Variants in DAAM1 observed in about 807,000 individuals in gnomAD.
The protein encoded by DAAM1 is dishevelled associated activator of morphogenesis 1.
A neutral mutation model predicts 130.0 loss-of-function variants in DAAM1; 52 were observed. The ratio of observed to expected loss-of-function variants is 0.40; its 90% CI spans 0.32 to 0.50. The LOEUF (loss-of-function observed/expected upper bound fraction) is 0.50. Ranked by LOEUF, DAAM1 falls within the 20% of genes least tolerant of loss-of-function variation. DAAM1 has a pLI of 0.61. For synonymous variants in DAAM1, 452 were observed against 444.5 expected (o/e 1.02, Z -0.21); for missense variants, 1,134 against 1,303.8 (o/e 0.87, Z 2.01).
chr14:59,266,321 A>C (rs983927754), intron 2 of DAAM1, among the ~76,000 whole-genome samples: 1 of 151,996 alleles, frequency 6.6e-6, no homozygotes, highest in African/African-American at 2.4e-5. Flanking sequence ...GTGGTAGTAG[A>C]GCTGGTAGGC....
Position 59,326,523 on chromosome 14 carries a change from C to T in DAAM1, c.1188C>T (p.Gly396=), listed in dbSNP as rs772529022. The part of the protein sequence containing the change: ...HCLQMPYKRS[G]NTVQYWLLLD... The stretch of plus-strand genomic sequence containing the variant: ...TTTCTTTTTTAGACAAGAGGAGTGG[C>T]AACACTGTTCAGTACTGGCTACTAC... Residue 396 remains glycine, a synonymous_variant, in exon 11 of 25, where the codon GGC becomes GGT. Transcript: ENST00000360909. 1.3e-6 allele frequency: 2 copies of T among 1,594,564 alleles called. No individual in the cohort carries two copies. The highest frequency in any genetic ancestry group is 3.5e-5 in the Admixed American group (2 of 56,924).
chr14:59,223,703 T>A (rs1888849491), intron 1 of DAAM1, among the ~76,000 whole-genome samples: 1 of 152,200 alleles, frequency 6.6e-6, no homozygotes. Context: ...CAGAATATGT[T>A]GCCTCCAAAA....
At chr14:59,306,946 C>G (rs562342745) in intron 3 of DAAM1, among the ~76,000 whole-genome samples, 1 of 152,268 alleles carries the variant, frequency 6.6e-6, no homozygotes, top group Admixed American at 6.5e-5. Flanking sequence ...TGAGCAAGAG[C>G]TTTGGGCCAG....
intron 3 of DAAM1, among the ~76,000 whole-genome samples, chr14:59,301,987 T>G (rs528873647): frequency 2.0e-5 from 3 of 152,248 alleles, no homozygotes; most frequent in Non-Finnish European, 4.4e-5. Context: ...TCTGAAACTT[T>G]AAAATCTAAA....
At chr14:59,196,542 G>T (rs1887897981) in intron 1 of DAAM1, among the ~76,000 whole-genome samples, 1 of 152,174 alleles carries the variant, frequency 6.6e-6, no homozygotes. Context: ...AGGAAGTCGA[G>T]ACCATTCTGG....
chr14:59,300,697 A>G (rs1241465716), intron 3 of DAAM1, among the ~76,000 whole-genome samples: 5 of 152,216 alleles, frequency 3.3e-5, no homozygotes, highest in African/African-American at 9.6e-5. Flanking sequence ...TTGAAGCCCA[A>G]AGGTGACTGC....
chr14:59,279,936 C>A (rs1029333064), intron 2 of DAAM1, among the ~76,000 whole-genome samples: 3 of 152,014 alleles, frequency 2.0e-5, no homozygotes, highest in Non-Finnish European at 2.9e-5. Flanking sequence ...TTTGAACAAA[C>A]ATTTCACAAA....
At position 59,263,546 on chromosome 14, in the gene DAAM1, C is replaced by A. The variant is rs769974748; in HGVS notation, c.69C>A (p.His23Gln). 1 of 1,614,084 alleles carries A rather than the reference C, an allele frequency of 6.2e-7. No homozygotes were observed. Among genetic ancestry groups the A allele is most frequent in the African/African-American group, 1.3e-5 (1 of 74,930 alleles). ...TTTGCTGTTTCCGAAATAATGATCA[C>A]CCAGAAATCACGTATCGGCTGCGAA... The part of the protein sequence containing the change: ...FIFCCFRNND[H>Q]PEITYRLRND... Residue 23 changes from histidine to glutamine, a missense_variant, in exon 2 of 25, where the codon CAC becomes CAA. Around this residue, in one of 3 missense-constraint regions of DAAM1, gnomAD observed 99 missense variants for 86.4 expected, o/e 1.15. Transcript: ENST00000360909.
intron 4 of DAAM1, among the ~76,000 whole-genome samples, chr14:59,317,378 T>G (rs1220427031): frequency 6.6e-6 from 1 of 152,196 alleles, no homozygotes; most frequent in Non-Finnish European, 1.5e-5. Flanking sequence ...TTCTCAACAT[T>G]CTGATTGCCA....
rs568439864 is a variant in DAAM1 at position 59,354,190 on chromosome 14, A to T, written c.2356+226A>T. Among the ~76,000 whole-genome samples, 15 of 151,850 alleles carry T rather than the reference A, an allele frequency of 9.9e-5. No individual in the cohort carries two copies. The South Asian group carries it at 3.1e-3, about 32-fold the overall frequency. On this transcript the variant is annotated intron_variant, in intron 19 of 24. Transcript: ENST00000360909. Reference sequence around the variant, plus strand: ...ATTCTCCTGCCTCAGCTTCCTGAGTAGCTGGGACTACAGGTGCCTGCCACC... The same window carrying T: ...ATTCTCCTGCCTCAGCTTCCTGAGTTGCTGGGACTACAGGTGCCTGCCACC...
At chr14:59,366,003 A>G (rs1032201126) in intron 23 of DAAM1, among the ~76,000 whole-genome samples, 1 of 152,204 alleles carries the variant, frequency 6.6e-6, no homozygotes, top group African/African-American at 2.4e-5. Context: ...TGGAAGAACT[A>G]AAAAGAGACT....
chr14:59,222,468 G>GCC (rs1237959636), intron 1 of DAAM1, among the ~76,000 whole-genome samples: 2 of 152,188 alleles, frequency 1.3e-5, no homozygotes, highest in African/African-American at 4.8e-5. Flanking sequence ...CATAAAGGGG[G>GCC]CTCAGTGTTG....
chr14:59,343,237 T>C (rs1885922438), intron 16 of DAAM1, among the ~76,000 whole-genome samples: 1 of 152,066 alleles, frequency 6.6e-6, no homozygotes, highest in African/African-American at 2.4e-5. Context: ...TTAATAAGGT[T>C]TTTTAGTTTG....
At chr14:59,339,466 A>G (rs1173797710) in intron 15 of DAAM1, among the ~76,000 whole-genome samples, 5 of 152,212 alleles carry the variant, frequency 3.3e-5, no homozygotes, top group African/African-American at 1.2e-4. Context: ...ATACAGCAAC[A>G]GAATATGCAA....
intron 4 of DAAM1, among the ~76,000 whole-genome samples, chr14:59,319,641 T>G (rs1299389482): frequency 6.6e-6 from 1 of 152,156 alleles, no homozygotes; most frequent in Non-Finnish European, 1.5e-5. Flanking sequence ...GTCATAAGAC[T>G]TGGGGTACTT....
At chr14:59,264,144 A>G in intron 2 of DAAM1, 1 of 186,466 alleles carries the variant, frequency 5.4e-6, no homozygotes, top group East Asian at 1.3e-4. Flanking sequence ...TTATTACTTC[A>G]GTACAGCATC....
chr14:59,305,577 A>G lies in DAAM1; in HGVS notation c.274-9703A>G, dbSNP rs535153628. ...CTAAGTGTTGTGGCTGCTTTCTCAGATATACCAGGTGCACATAAAATGTAT... is the reference window on the plus strand; with the variant it reads ...CTAAGTGTTGTGGCTGCTTTCTCAGGTATACCAGGTGCACATAAAATGTAT... On this transcript the variant is annotated intron_variant, in intron 3 of 24. Transcript: ENST00000360909. Among the ~76,000 whole-genome samples, 3 of 152,282 alleles carry G rather than the reference A, an allele frequency of 2.0e-5. No homozygotes were observed. The East Asian group carries it at 5.8e-4, about 29-fold the overall frequency.
At position 59,359,084 on chromosome 14, in the gene DAAM1, C is replaced by G. The variant is rs1011832162; in HGVS notation, c.2526-313C>G. ...GTTCAGATTCACTTAGATCACCCAT[C>G]ACATTACCCAGATTTTGAAAGATGC... On this transcript the variant is annotated intron_variant, in intron 20 of 24. Transcript: ENST00000360909. Among the ~76,000 whole-genome samples the G allele has an allele frequency of 1.1e-4, 17 of 152,278 alleles. No individual in the cohort carries two copies. The South Asian group carries it at 3.5e-3, about 32-fold the overall frequency.
chr14:59,350,760 C>T (rs370486129), intron 17 of DAAM1, among the ~76,000 whole-genome samples: 5 of 152,262 alleles, frequency 3.3e-5, no homozygotes, highest in East Asian at 3.9e-4. Flanking sequence ...CTGTGAGCCA[C>T]GCAGGCCTCT....
Sources: gnomAD v4.1 joint callset for allele counts (sites outside exome capture counted in the v4.1 genomes callset) on GRCh38, gnomAD v4.1.1 for gene constraint, gnomAD v4.1.1 regional missense constraint, MANE v1.5 for transcripts, NCBI Gene and HGNC (gene_info 2026-07-23, HGNC 2026-07-21) for gene names.